Variants in PYGO1 observed in about 807,000 individuals in gnomAD.
PYGO1 encodes the protein pygopus homolog 1.
A neutral mutation model predicts 29.5 loss-of-function variants in PYGO1; 6 were observed. The ratio of observed to expected loss-of-function variants is 0.20; its 90% CI spans 0.11 to 0.40. The LOEUF (loss-of-function observed/expected upper bound fraction) is 0.40, where lower values mean the gene tolerates loss of function less well. Among genes scored for constraint, PYGO1 ranks in the 10% least tolerant of loss-of-function variants. The pLI, the probability that PYGO1 is intolerant of heterozygous loss-of-function variation, is 1.00. For missense variants in PYGO1, 515 were observed against 514.9 expected (o/e 1.00, Z 0.00); for synonymous variants, 186 against 180.5 (o/e 1.03, Z -0.24).
In PYGO1 at chr15:55,539,343, C is replaced by A. The variant is rs1281614126; in HGVS notation, c.*6680G>T. ...TGAGAATGTATTTAACACTTGGAAG[C>A]CCTTAAAGAGTCAAACTTTCCATTA... On this transcript the variant is annotated 3_prime_UTR_variant, in exon 3 of 3. Transcript: ENST00000563719. 1 of 151,964 alleles carries A rather than the reference C, an allele frequency of 6.6e-6. No individual in the cohort carries two copies. The highest frequency in any genetic ancestry group is 1.5e-5 in the Non-Finnish European group (1 of 67,964). The allele number at this position is 151,964 out of a possible 1,614,324, so 9.4% of individuals were successfully genotyped here.
rs1340238101 is a variant in PYGO1 at position 55,539,901 on chromosome 15, A to T, written c.*6122T>A. ...TAAAACCTTATTAAGGATAATTTAAACTGATATGTCTAAAATTTGAATTTT... is the reference window on the plus strand; with the variant it reads ...TAAAACCTTATTAAGGATAATTTAATCTGATATGTCTAAAATTTGAATTTT... On this transcript the variant is annotated 3_prime_UTR_variant, in exon 3 of 3. Transcript: ENST00000563719. 2 of 152,074 alleles carry T rather than the reference A, an allele frequency of 1.3e-5. No individual in the cohort carries two copies. Among genetic ancestry groups the T allele is most frequent in the African/African-American group, 4.8e-5 (2 of 41,448 alleles). The allele number at this position is 152,074 out of a possible 1,614,324, so 9.4% of individuals were successfully genotyped here. A position where few individuals can be genotyped will look rare whatever the true frequency, so the allele number is the denominator to read the frequency against.
At chr15:55,558,266 A>C (rs960432974) in intron 1 of PYGO1, among the ~76,000 whole-genome samples, 27 of 152,230 alleles carry the variant, frequency 1.8e-4, no homozygotes, top group African/African-American at 6.0e-4. Flanking sequence ...CAAAGAGAAT[A>C]AAATACCTAG....
chr15:55,560,160 T>A (rs116885136), intron 1 of PYGO1, among the ~76,000 whole-genome samples: 1,579 of 152,118 alleles, frequency 0.01, 9 homozygotes, highest in Non-Finnish European at 0.016. Flanking sequence ...TCCTATTAAA[T>A]ATAGTACTCA....
rs1468382110 is a variant in PYGO1 at position 55,545,941 on chromosome 15, A to T, written c.*82T>A. 1 of 1,400,950 alleles carries T rather than the reference A, an allele frequency of 7.1e-7. No individual in the cohort carries two copies. The highest frequency in any genetic ancestry group is 9.7e-7 in the Non-Finnish European group (1 of 1,035,914). 86.8% of individuals were successfully genotyped at this position (1,400,950 alleles called of 1,614,324 possible). A position where few individuals can be genotyped will look rare whatever the true frequency, so the allele number is the denominator to read the frequency against. Reference sequence around the variant, plus strand: ...TGTTTTTGTGTATGCATTTAAAAAAATAATGTAAAACATTAAAATCCTGTG... The same window carrying T: ...TGTTTTTGTGTATGCATTTAAAAAATTAATGTAAAACATTAAAATCCTGTG... On this transcript the variant is annotated 3_prime_UTR_variant, in exon 3 of 3. Transcript: ENST00000563719.
chr15:55,565,022 T>G (rs764065131), intron 1 of PYGO1, among the ~76,000 whole-genome samples: 25 of 152,226 alleles, frequency 1.6e-4, no homozygotes, highest in Non-Finnish European at 3.2e-4. Flanking sequence ...TTTCAATGTG[T>G]ATCAACTCCT....
At position 55,569,153 on chromosome 15, in the gene PYGO1, A is replaced by G. The variant is rs75280490; in HGVS notation, c.49+18682T>C. ...GGAAGGAGTTCCTCCTCAATTTTTT[A>G]GAATAGTAGAATTGGTACCAGCTCT... On this transcript the variant is annotated intron_variant, in intron 1 of 2. Transcript: ENST00000563719. Among the ~76,000 whole-genome samples, 186 of 152,016 alleles carry G rather than the reference A, an allele frequency of 1.2e-3. 5 individuals are homozygous for G. The East Asian group carries it at 0.034, about 28-fold the overall frequency.
At chr15:55,550,415 T>C (rs2058873730) in intron 1 of PYGO1, among the ~76,000 whole-genome samples, 1 of 152,204 alleles carries the variant, frequency 6.6e-6, no homozygotes, top group African/African-American at 2.4e-5. Context: ...CTTACTCTTC[T>C]TATCTCTATC....
intron 1 of PYGO1, among the ~76,000 whole-genome samples, chr15:55,560,185 G>A (rs998902967): frequency 3.3e-5 from 5 of 152,148 alleles, no homozygotes; most frequent in Admixed American, 3.3e-4. Flanking sequence ...TCTGGTCAGG[G>A]CAATCAGGCA....
chr15:55,562,445 G>A (rs754407594), intron 1 of PYGO1, among the ~76,000 whole-genome samples: 2 of 152,092 alleles, frequency 1.3e-5, no homozygotes, highest in Non-Finnish European at 2.9e-5. Context: ...GCTGAGGTGG[G>A]CAGATCACCT....
rs1338690592 is a variant in PYGO1 at position 55,541,796 on chromosome 15, C to T, written c.*4227G>A. 6.6e-6 allele frequency: 1 copy of T among 152,222 alleles called. No homozygotes were observed. Among genetic ancestry groups the T allele is most frequent in the African/African-American group, 2.4e-5 (1 of 41,444 alleles). 9.4% of individuals were successfully genotyped at this position (152,222 alleles called of 1,614,324 possible). ...AAGAAACCCACACCAAAGAACTTAA[C>T]CTCCTAATCACATCAGGAAAAAGAC... On this transcript the variant is annotated 3_prime_UTR_variant, in exon 3 of 3. Transcript: ENST00000563719.
intron 2 of PYGO1, among the ~76,000 whole-genome samples, chr15:55,548,525 G>A (rs1376323767): frequency 6.6e-6 from 1 of 151,338 alleles, no homozygotes; most frequent in Non-Finnish European, 1.5e-5. Context: ...GATCAACATG[G>A]TGAAAGCCCG....
At chr15:55,579,234 T>C (rs1595994542) in intron 1 of PYGO1, among the ~76,000 whole-genome samples, 1 of 152,284 alleles carries the variant, frequency 6.6e-6, no homozygotes, top group African/African-American at 2.4e-5. Context: ...TACCCACATA[T>C]TGAACAGAGA....
Position 55,543,778 on chromosome 15 carries a change from C to T in PYGO1, c.*2245G>A, listed in dbSNP as rs1231491706. 6.6e-6 allele frequency: 1 copy of T among 152,142 alleles called. No individual in the cohort carries two copies. Among genetic ancestry groups the T allele is most frequent in the Non-Finnish European group, 1.5e-5 (1 of 68,022 alleles). The allele number at this position is 152,142 out of a possible 1,614,324, so 9.4% of individuals were successfully genotyped here. On this transcript the variant is annotated 3_prime_UTR_variant, in exon 3 of 3. Coordinates refer to ENST00000563719, the MANE Select transcript of PYGO1 (RefSeq NM_001367806.1). The stretch of plus-strand genomic sequence containing the variant: ...AAAATATCTATCATCTAGCTCTATT[C>T]AGGGTAATAATAAATCATGATCTGA...
intron 1 of PYGO1, among the ~76,000 whole-genome samples, chr15:55,579,402 A>G (rs1356122524): frequency 6.6e-5 from 10 of 152,246 alleles, no homozygotes; most frequent in Non-Finnish European, 1.0e-4. Context: ...TGTCATGAGT[A>G]TTTCATTTTA....
intron 1 of PYGO1, among the ~76,000 whole-genome samples, chr15:55,556,452 G>C (rs1318837703): frequency 6.6e-6 from 1 of 152,096 alleles, no homozygotes; most frequent in East Asian, 1.9e-4. Flanking sequence ...AAACTAATGA[G>C]AACAAAGAGA....
chr15:55,553,255 G>A (rs1252303887), intron 1 of PYGO1, among the ~76,000 whole-genome samples: 1 of 152,110 alleles, frequency 6.6e-6, no homozygotes, highest in Admixed American at 6.5e-5. Context: ...TGGAGCCCCT[G>A]GGGAAAGGGG....
chr15:55,548,338 T>C (rs528832294), intron 2 of PYGO1, among the ~76,000 whole-genome samples: 14 of 152,086 alleles, frequency 9.2e-5, no homozygotes, highest in African/African-American at 3.1e-4. Context: ...AGCATTTTAA[T>C]TTGCCCACAC....
intron 1 of PYGO1, among the ~76,000 whole-genome samples, chr15:55,560,487 T>G (rs2058928403): frequency 6.6e-6 from 1 of 152,150 alleles, no homozygotes; most frequent in African/African-American, 2.4e-5. Context: ...GTAAAGGACC[T>G]CTTCAAGGAG....
Position 55,548,995 on chromosome 15 carries a change from C to T in PYGO1, c.50G>A (p.Gly17Asp), listed in dbSNP as rs762180451. Residue 17 changes from glycine (G) to aspartate (D), a missense_variant and splice_region_variant, in exon 2 of 3, where the codon GGT becomes GAT. Gly to Asp is a moderately conservative substitution (Grantham distance 94, BLOSUM62 -1). Coordinates refer to ENST00000563719, the MANE Select transcript of PYGO1 (RefSeq NM_001367806.1). Reference protein sequence around the residue: ...KDPISLKRVRGGDSGLDGLGG... With the variant: ...KDPISLKRVRDGDSGLDGLGG... ...TAACCCATCCAGTCCACTATCACCA[C>T]CTAAAAAAAAAAAAATTCAGGTAAT... 1.9e-6 allele frequency: 3 copies of T among 1,590,202 alleles called. No individual in the cohort carries two copies. Among genetic ancestry groups the T allele is most frequent in the South Asian group, 1.2e-5 (1 of 85,854 alleles).
Sources: gnomAD v4.1 joint callset for allele counts (sites outside exome capture counted in the v4.1 genomes callset) on GRCh38, gnomAD v4.1.1 for gene constraint, MANE v1.5 for transcripts, NCBI Gene and HGNC (gene_info 2026-07-23, HGNC 2026-07-21) for gene names.